PADI2: variants seen among roughly 807,000 people sequenced by gnomAD.
PADI2 encodes the protein peptidyl arginine deiminase 2, also known as protein-arginine deiminase type-2.
Under a neutral mutation model 81.1 loss-of-function variants are expected in PADI2, and 70 were observed. The ratio of observed to expected loss-of-function variants is 0.86; its 90% CI spans 0.71 to 1.05. PADI2 has a LOEUF of 1.05. Ranked by LOEUF, PADI2 falls within the 50% of genes least tolerant of loss-of-function variation. PADI2 has a pLI of 0.00. For missense variants in PADI2, 853 were observed against 889.9 expected, an observed-to-expected ratio of 0.96 and a Z score of 0.53; for synonymous variants, 338 against 358.0, an observed-to-expected ratio of 0.94 and a Z score of 0.63.
intron 11 of PADI2, among the ~76,000 whole-genome samples, chr1:17,077,102 C>A (rs540383752): frequency 6.6e-6 from 1 of 152,194 alleles, no homozygotes; most frequent in African/African-American, 2.4e-5. Flanking sequence ...GTATGGAATG[C>A]GCTTCCTTTA....
At chr1:17,091,315 TCC>T (rs542965425) in intron 6 of PADI2, among the ~76,000 whole-genome samples, 234 of 149,686 alleles carry the variant, frequency 1.6e-3, no homozygotes, top group African/African-American at 5.7e-3. Flanking sequence ...AGAAGCCTCC[TCC>T]CGCCACCCCA....
Position 17,069,012 on chromosome 1 carries a change from C to A in PADI2, c.*32G>T. The A allele has an allele frequency of 6.6e-7, 1 of 1,510,414 alleles. No homozygotes were observed. Among genetic ancestry groups the A allele is most frequent in the Non-Finnish European group, 9.2e-7 (1 of 1,085,586 alleles). 93.6% of individuals were successfully genotyped at this position (1,510,414 alleles called of 1,614,324 possible). On this transcript the variant is annotated 3_prime_UTR_variant, in exon 16 of 16. Coordinates refer to ENST00000375486, the MANE Select transcript of PADI2 (RefSeq NM_007365.3). Reference sequence around the variant, plus strand: ...GTGAGGGAGGGTCTGGAGAACTAAGCGAAGGAGGCAAACGCCAGGGCCCCT... The same window carrying A: ...GTGAGGGAGGGTCTGGAGAACTAAGAGAAGGAGGCAAACGCCAGGGCCCCT...
rs754140680 is a variant in PADI2 at position 17,103,053 on chromosome 1, C to T, written c.283G>A (p.Val95Ile). Residue 95 changes from valine to isoleucine, a missense_variant, in exon 3 of 16, where the codon GTC becomes ATC. Physicochemically the swap from Val to Ile is conservative, Grantham distance 29. Coordinates refer to ENST00000375486, the MANE Select transcript of PADI2 (RefSeq NM_007365.3). ...STEASSDKVT[V>I]NYYDEEGSIP... ...CTCCCTTCCTCGTCATAGTAGTTGA[C>T]GGTGACCTTGGTGGGGAGGGGGCAC... The T allele has an allele frequency of 2.6e-5, 42 of 1,612,334 alleles. No homozygotes were observed. In the South Asian group the frequency reaches 3.0e-4, roughly 11 times the overall value.
rs564777761 is a variant in PADI2 at position 17,067,694 on chromosome 1, G to A, written c.*1350C>T. On this transcript the variant is annotated 3_prime_UTR_variant, in exon 16 of 16. Transcript: ENST00000375486. ...AACCACTGTGTTTGCAGAGCCCAAC[G>A]CCGTGCCTGGCGCTTAGTGGCATAC... The A allele has an allele frequency of 4.5e-4, 68 of 152,336 alleles. No individual in the cohort carries two copies. The highest frequency in any genetic ancestry group is 1.5e-3 in the African/African-American group (62 of 41,564). The allele number at this position is 152,336 out of a possible 1,614,324, so 9.4% of individuals were successfully genotyped here. A position where few individuals can be genotyped will look rare whatever the true frequency, so the allele number is the denominator to read the frequency against.
intron 15 of PADI2, 87 bp from the exon 16 acceptor site, chr1:17,069,364 C>A (rs149504433): frequency 9.1e-6 from 9 of 986,806 alleles, no homozygotes; most frequent in Admixed American, 2.0e-5. Context: ...GGAACCCTCA[C>A]GGCAACCCTG....
At chr1:17,106,010 G>A (rs1931362117) in intron 1 of PADI2, among the ~76,000 whole-genome samples, 1 of 152,138 alleles carries the variant, frequency 6.6e-6, no homozygotes, top group African/African-American at 2.4e-5. Context: ...TAGCAGAGCT[G>A]GGCCTGGAAC....
chr1:17,116,648 G>A (rs1174895588), intron 1 of PADI2, among the ~76,000 whole-genome samples: 1 of 152,156 alleles, frequency 6.6e-6, no homozygotes, highest in Non-Finnish European at 1.5e-5. Flanking sequence ...GGGTATAAGA[G>A]CATGAGTTCT....
intron 2 of PADI2, among the ~76,000 whole-genome samples, chr1:17,104,244 C>T (rs1195169022): frequency 5.3e-5 from 8 of 150,902 alleles, no homozygotes; most frequent in Non-Finnish European, 8.9e-5. Context: ...GAGCCGAGAT[C>T]GCATCACTGC....
chr1:17,078,799 G>A (rs1366876483), intron 11 of PADI2, among the ~76,000 whole-genome samples: 2 of 152,142 alleles, frequency 1.3e-5, no homozygotes, highest in Non-Finnish European at 2.9e-5. Flanking sequence ...AGGCTCAAGC[G>A]ATCCTCTCAT....
intron 15 of PADI2, among the ~76,000 whole-genome samples, 180 bp from the exon 16 acceptor site, chr1:17,069,457 A>G (rs1336944396): frequency 6.6e-6 from 1 of 152,210 alleles, no homozygotes; most frequent in Non-Finnish European, 1.5e-5. Context: ...AAACCAGGCA[A>G]TCTGCCTCTG....
chr1:17,102,750 T>TGGGG, intron 3 of PADI2, among the ~76,000 whole-genome samples: 1 of 62,362 alleles, frequency 1.6e-5, no homozygotes, highest in South Asian at 4.8e-4. Flanking sequence ...ACCTTGACAC[T>TGGGG]TGGGGGGGGG....
intron 3 of PADI2, among the ~76,000 whole-genome samples, chr1:17,096,329 G>T (rs1277735431): frequency 6.6e-6 from 1 of 152,234 alleles, no homozygotes; most frequent in Admixed American, 6.5e-5. Context: ...ACATAGGGAC[G>T]CTAGCAGAAC....
At chr1:17,074,084 C>A (rs1211856798) in intron 13 of PADI2, among the ~76,000 whole-genome samples, 1 of 150,586 alleles carries the variant, frequency 6.6e-6, no homozygotes, top group Non-Finnish European at 1.5e-5. Context: ...GTTTCCTTTT[C>A]TTTTTCAAAA....
In PADI2 at chr1:17,118,976, C is replaced by T. The variant is rs375015567; in HGVS notation, c.92+304G>A. The stretch of plus-strand genomic sequence containing the variant: ...CAGGGAAGCTGAAGGGGTGTGAGGT[C>T]CCCCGGGAGGAGAACTGGAGAGGGC... On this transcript the variant is annotated intron_variant, in intron 1 of 15. Coordinates refer to ENST00000375486, the MANE Select transcript of PADI2 (RefSeq NM_007365.3). Among the ~76,000 whole-genome samples, 34 of 151,976 alleles carry T rather than the reference C, an allele frequency of 2.2e-4. No individual in the cohort carries two copies. The East Asian group carries it at 4.5e-3, about 20-fold the overall frequency.
chr1:17,104,571 T>A (rs1001820076), intron 2 of PADI2, among the ~76,000 whole-genome samples: 2 of 150,050 alleles, frequency 1.3e-5, no homozygotes, highest in African/African-American at 2.4e-5. Flanking sequence ...AGTAGCTGGG[T>A]CTACAGGCAC....
At chr1:17,069,680 T>C (rs1428705291) in intron 15 of PADI2, among the ~76,000 whole-genome samples, 1 of 152,136 alleles carries the variant, frequency 6.6e-6, no homozygotes, top group Non-Finnish European at 1.5e-5. Context: ...TGTGTGTGTA[T>C]ATATGTGTCC....
At chr1:17,113,458 C>T (rs1263488276) in intron 1 of PADI2, among the ~76,000 whole-genome samples, 1 of 152,112 alleles carries the variant, frequency 6.6e-6, no homozygotes, top group African/African-American at 2.4e-5. Context: ...AGGGCAAGCA[C>T]CCGCTTCAAA....
intron 3 of PADI2, among the ~76,000 whole-genome samples, chr1:17,100,757 G>A (rs950573397): frequency 6.8e-6 from 1 of 147,166 alleles, no homozygotes; most frequent in Non-Finnish European, 1.5e-5. Context: ...CACCTCTTGG[G>A]TTCAAGCAAT....
At chr1:17,100,724 C>T (rs1931112754) in intron 3 of PADI2, among the ~76,000 whole-genome samples, 1 of 149,696 alleles carries the variant, frequency 6.7e-6, no homozygotes, top group Non-Finnish European at 1.5e-5. Context: ...GGCAGTGGCA[C>T]CATCTTGGCT....
Sources: allele counts gnomAD v4.1 joint callset (sites outside exome capture counted in the v4.1 genomes callset), GRCh38; gene constraint gnomAD v4.1.1; transcripts MANE v1.5; gene names NCBI Gene and HGNC (gene_info 2026-07-23, HGNC 2026-07-21).